ECE1: variants seen among roughly 807,000 people sequenced by gnomAD.
ECE1 encodes the protein endothelin-converting enzyme 1.
ECE1 carries 35 observed loss-of-function variants against 98.6 expected under a neutral mutation model. The ratio of observed to expected loss-of-function variants is 0.35; its 90% CI spans 0.27 to 0.47. The LOEUF is 0.47. Among genes scored for constraint, ECE1 ranks in the 20% least tolerant of loss-of-function variants. The pLI, the probability that ECE1 is intolerant of heterozygous loss-of-function variation, is 1.00. For missense variants in ECE1, 814 were observed against 1,025.3 expected (o/e 0.79, Z 2.81); for synonymous variants, 394 against 407.1 (o/e 0.97, Z 0.39).
chr1:21,253,853 G>A (rs1335750836), intron 8 of ECE1, among the ~76,000 whole-genome samples: 2 of 150,046 alleles, frequency 1.3e-5, no homozygotes, highest in East Asian at 2.0e-4. Context: ...GGTGGATTAT[G>A]AGGTCAGGAG....
At chr1:21,318,896 G>A (rs962495682) in intron 1 of ECE1, among the ~76,000 whole-genome samples, 4 of 152,232 alleles carry the variant, frequency 2.6e-5, no homozygotes, top group African/African-American at 9.6e-5. Flanking sequence ...AAGTCAGCAT[G>A]GGAAATGTGA....
In ECE1 at chr1:21,235,891, A is replaced by T; in HGVS notation, c.1525T>A (p.Phe509Ile). ...TCCAGCTCCTTGGGATCCATGATGA[A>T]GTTGGGGTATCCTATCATGTTGTAG... ...AIYNMIGYPN[F>I]IMDPKELDKV... The change falls in exon 13 of 19, where the codon TTC becomes ATC. Residue 509 changes from phenylalanine to isoleucine, a missense_variant. Phe to Ile is a conservative substitution (Grantham distance 21). Around this residue, in one of 3 missense-constraint regions of ECE1, gnomAD observed 452 missense variants for 567.3 expected, o/e 0.80. Coordinates refer to ENST00000374893, the MANE Select transcript of ECE1 (RefSeq NM_001397.3). This position sits in a 1 kb window ranked among gnomAD's most constrained non-coding sequence, Gnocchi z 4.2. 6.2e-7 allele frequency: 1 copy of T among 1,614,176 alleles called. No homozygotes were observed. The highest frequency in any genetic ancestry group is 8.5e-7 in the Non-Finnish European group (1 of 1,180,020).
chr1:21,253,208 C>T (rs1047077499), intron 8 of ECE1, among the ~76,000 whole-genome samples: 5 of 151,860 alleles, frequency 3.3e-5, no homozygotes, highest in African/African-American at 4.8e-5. Context: ...CGGCGCACAC[C>T]ACCACACCCG....
At position 21,326,045 on chromosome 1, in the gene ECE1, A is replaced by G. The variant is rs12025213; in HGVS notation, c.3+19331T>C. Among the ~76,000 whole-genome samples, 9 of 152,264 alleles carry G rather than the reference A, an allele frequency of 5.9e-5. No homozygotes were observed. In the East Asian group the frequency reaches 1.7e-3, roughly 29 times the overall value. ...CTTTGACTTGTCCTAAAATGGCCTC[A>G]CCTGGACCCAGTGGGGTGTGGGGAC... is the stretch of plus-strand genomic sequence containing the variant. On this transcript the variant is annotated intron_variant, in intron 1 of 18. Coordinates refer to the ECE1 transcript ENST00000415912.
intron 1 of ECE1, among the ~76,000 whole-genome samples, chr1:21,341,667 G>C (rs1431849230): frequency 1.3e-5 from 2 of 152,230 alleles, no homozygotes; most frequent in Admixed American, 6.5e-5. Flanking sequence ...CAGTAGCCCA[G>C]TCACCAGCAG....
At chr1:21,328,437 C>T (rs1639128329) in intron 1 of ECE1, among the ~76,000 whole-genome samples, 1 of 152,196 alleles carries the variant, frequency 6.6e-6, no homozygotes, top group South Asian at 2.1e-4. Flanking sequence ...CCCACATTTA[C>T]CTATGCTGAT....
In ECE1 at chr1:21,345,286, A is replaced by T; in HGVS notation, c.3+90T>A. The T allele has an allele frequency of 6.3e-6, 8 of 1,265,646 alleles. No homozygotes were observed. Among genetic ancestry groups the T allele is most frequent in the African/African-American group, 3.1e-5 (2 of 63,898 alleles). The allele number at this position is 1,265,646 out of a possible 1,614,324, so 78.4% of individuals were successfully genotyped here. ...GCCGGCGCCCAGCCCCCCGCGAGCC[A>T]GGGCGGCCCCGGGTGCCACCCGCGG... On this transcript the variant is annotated intron_variant, in intron 1 of 18. Coordinates refer to the ECE1 transcript ENST00000415912. The surrounding 1 kb of genome is among the most constrained non-coding windows in gnomAD (Gnocchi z 5.1).
At chr1:21,264,001 T>C (rs2098230548) in intron 4 of ECE1, among the ~76,000 whole-genome samples, 1 of 152,184 alleles carries the variant, frequency 6.6e-6, no homozygotes, top group Non-Finnish European at 1.5e-5. Flanking sequence ...GGTGGGCGCT[T>C]GGCCAGGATG....
intron 1 of ECE1, among the ~76,000 whole-genome samples, chr1:21,318,739 C>A (rs1355883822): frequency 6.6e-6 from 1 of 152,110 alleles, no homozygotes; most frequent in Non-Finnish European, 1.5e-5. Flanking sequence ...TTCCAAGGAG[C>A]TAACCCGACC....
chr1:21,339,790 G>T (rs1639367902), intron 1 of ECE1, among the ~76,000 whole-genome samples: 1 of 152,132 alleles, frequency 6.6e-6, no homozygotes, highest in Admixed American at 6.5e-5. Context: ...CTCCCCCCAG[G>T]AAGTCCAAAG....
chr1:21,260,452 G>A lies in ECE1; in HGVS notation c.494-60C>T, dbSNP rs796626991. The A allele has an allele frequency of 8.7e-6, 14 of 1,606,134 alleles. No homozygotes were observed. The highest frequency in any genetic ancestry group is 8.3e-5 in the Admixed American group (5 of 60,018). On this transcript the variant is annotated intron_variant, in intron 4 of 18. Coordinates refer to ENST00000374893, the MANE Select transcript of ECE1 (RefSeq NM_001397.3). The surrounding 1 kb of genome is among the most constrained non-coding windows in gnomAD (Gnocchi z 4.3). ...CCCACTTGCCCACTGGGTGGCTTTG[G>A]GGCAGTCCCTCTTTTCGGAGCCTTG... is the stretch of plus-strand genomic sequence containing the variant.
Position 21,327,238 on chromosome 1 carries a change from T to C in ECE1, c.3+18138A>G, listed in dbSNP as rs766839492. ...CTGGGGCCTGGAGTCCATGTTTGGC[T>C]GGAAGGCCCTGGGATGGGAGGCTCC... On this transcript the variant is annotated intron_variant, in intron 1 of 18. Transcript: ENST00000415912. The surrounding 1 kb of genome is among the most constrained non-coding windows in gnomAD (Gnocchi z 4.6). Among the ~76,000 whole-genome samples, 1 of 152,236 alleles carries C rather than the reference T, an allele frequency of 6.6e-6. No homozygotes were observed. The highest frequency in any genetic ancestry group is 1.5e-5 in the Non-Finnish European group (1 of 68,034).
chr1:21,259,576 A>T (rs1325394184), intron 5 of ECE1, among the ~76,000 whole-genome samples: 1 of 152,074 alleles, frequency 6.6e-6, no homozygotes, highest in African/African-American at 2.4e-5. Context: ...GGTTTGGCAC[A>T]TGGGACCTGT....
chr1:21,287,968 A>G (rs2103356472), intron 2 of ECE1, among the ~76,000 whole-genome samples: 1 of 151,986 alleles, frequency 6.6e-6, no homozygotes, highest in East Asian at 1.9e-4. Flanking sequence ...GGGAAAAAAA[A>G]AAAAACAATG....
chr1:21,218,439 G>A lies in ECE1; in HGVS notation c.*1516C>T, dbSNP rs2098163485. On this transcript the variant is annotated 3_prime_UTR_variant, in exon 19 of 19. Transcript: ENST00000374893. This position sits in a 1 kb window ranked among gnomAD's most constrained non-coding sequence, Gnocchi z 4.0. ...CGGAGGCCAAGGGCATCTAGGAGCA[G>A]GGGCTGTCTCCTTGGGGTGGAGACT... 1 of 152,666 alleles carries A rather than the reference G, an allele frequency of 6.6e-6. No individual in the cohort carries two copies. The highest frequency in any genetic ancestry group is 1.5e-5 in the Non-Finnish European group (1 of 68,410). The allele number at this position is 152,666 out of a possible 1,614,324, so 9.5% of individuals were successfully genotyped here.
intron 1 of ECE1, among the ~76,000 whole-genome samples, chr1:21,317,451 C>A (rs1638853573): frequency 6.6e-6 from 1 of 152,190 alleles, no homozygotes; most frequent in South Asian, 2.1e-4. Context: ...AAAGGGTTTG[C>A]TTGTCACAAG....
Position 21,290,036 on chromosome 1 carries a change from G to T in ECE1, c.138+34C>A. ...CAGCGCGCATGCCCGGGCCCGGGGC[G>T]CCTGGACCTCGGGAGGGAGCGGAGG... On this transcript the variant is annotated intron_variant, in intron 2 of 18. Transcript: ENST00000374893. The surrounding 1 kb of genome is among the most constrained non-coding windows in gnomAD (Gnocchi z 7.3). 1 of 1,359,532 alleles carries T rather than the reference G, an allele frequency of 7.4e-7. No homozygotes were observed. 84.2% of individuals were successfully genotyped at this position (1,359,532 alleles called of 1,614,324 possible).
chr1:21,263,147 AGGGGCT>A (rs1285838535), intron 4 of ECE1, among the ~76,000 whole-genome samples: 1 of 152,102 alleles, frequency 6.6e-6, no homozygotes, highest in African/African-American at 2.4e-5. Flanking sequence ...GAGTAGAAGC[AGGGGCT>A]GTGCCTGGGC....
chr1:21,233,700 C>T lies in ECE1; in HGVS notation c.1567-39G>A, dbSNP rs769665066. 24 of 1,583,798 alleles carry T rather than the reference C, an allele frequency of 1.5e-5. No homozygotes were observed. The highest frequency in any genetic ancestry group is 5.4e-5 in the African/African-American group (4 of 74,190). ...AGTGGAGTCAATCACAGTGTGCCCT[C>T]GGTGGTGTGCATCTTCCAAGACAGG... On this transcript the variant is annotated intron_variant, in intron 13 of 18. Transcript: ENST00000374893. This position sits in a 1 kb window ranked among gnomAD's most constrained non-coding sequence, Gnocchi z 4.0.
Sources: gnomAD v4.1 joint callset for allele counts (sites outside exome capture counted in the v4.1 genomes callset) on GRCh38, gnomAD v4.1.1 for gene constraint, gnomAD v4.1.1 regional missense constraint, Gnocchi (gnomAD v3.1) non-coding constraint, MANE v1.5 for transcripts, NCBI Gene and HGNC (gene_info 2026-07-23, HGNC 2026-07-21) for gene names.